The following SNX8 variants were observed in gnomAD, a reference collection of about 807,000 sequenced individuals.
The protein encoded by SNX8 is sorting nexin 8.
A neutral mutation model predicts 51.6 loss-of-function variants in SNX8; 25 were observed. The ratio of observed to expected loss-of-function variants is 0.48; its 90% CI spans 0.35 to 0.68. SNX8 has a LOEUF of 0.68. Among genes scored for constraint, SNX8 ranks in the 30% least tolerant of loss-of-function variants. The pLI, the probability that SNX8 is intolerant of heterozygous loss-of-function variation, is 0.00. For missense variants in SNX8, 695 were observed against 624.0 expected, an observed-to-expected ratio of 1.11 and a Z score of -1.21; for synonymous variants, 324 against 277.0, an observed-to-expected ratio of 1.17 and a Z score of -1.68.
chr7:2,310,710 G>A (rs1005103109), intron 1 of SNX8, among the ~76,000 whole-genome samples: 1 of 152,226 alleles, frequency 6.6e-6, no homozygotes, highest in African/African-American at 2.4e-5. Context: ...GGTGGAGCTT[G>A]CAGTGAGCCA....
chr7:2,338,336 C>T (rs558895596), intron 1 of SNX8, among the ~76,000 whole-genome samples: 8 of 152,028 alleles, frequency 5.3e-5, no homozygotes, highest in Admixed American at 3.9e-4. Flanking sequence ...GTGGCAGGTG[C>T]CTGTAATCCC....
chr7:2,337,693 T>C (rs549881229), intron 1 of SNX8, among the ~76,000 whole-genome samples: 23 of 151,816 alleles, frequency 1.5e-4, no homozygotes, highest in Non-Finnish European at 2.7e-4. Flanking sequence ...ACATGAAAGA[T>C]TGAGAATTAA....
chr7:2,333,870 C>A (rs1185826906), intron 1 of SNX8, among the ~76,000 whole-genome samples: 1 of 152,180 alleles, frequency 6.6e-6, no homozygotes, highest in Non-Finnish European at 1.5e-5. Context: ...GGATTACAGG[C>A]TCATGCCCGT....
intron 1 of SNX8, among the ~76,000 whole-genome samples, chr7:2,297,413 G>A (rs1001590679): frequency 3.3e-5 from 5 of 151,316 alleles, no homozygotes; most frequent in African/African-American, 4.9e-5. Context: ...AGCCAGGCAC[G>A]GTGGCACATG....
At chr7:2,259,044 A>G (rs994922288) in intron 7 of SNX8, among the ~76,000 whole-genome samples, 1 of 152,210 alleles carries the variant, frequency 6.6e-6, no homozygotes, top group Non-Finnish European at 1.5e-5. Flanking sequence ...GGCACAGTGC[A>G]CACGGCCCGA....
At chr7:2,345,614 G>A (rs1779006609) in intron 1 of SNX8, among the ~76,000 whole-genome samples, 1 of 151,552 alleles carries the variant, frequency 6.6e-6, no homozygotes, top group African/African-American at 2.4e-5. Flanking sequence ...GGAGGTGGAG[G>A]ATGCAGTGAG....
At chr7:2,275,428 G>A (rs1328214406) in intron 2 of SNX8, among the ~76,000 whole-genome samples, 199 bp from the exon 3 acceptor site, 1 of 152,224 alleles carries the variant, frequency 6.6e-6, no homozygotes, top group African/African-American at 2.4e-5. Context: ...GGCCGGGTGC[G>A]GTGGCTCCCG....
At chr7:2,309,685 C>G in intron 1 of SNX8, 1 of 416,488 alleles carries the variant, frequency 2.4e-6, no homozygotes, top group Admixed American at 2.9e-5. Flanking sequence ...GAGCCGAGAT[C>G]GCGCCATCGC....
chr7:2,287,091 T>C (rs888830090), intron 1 of SNX8, among the ~76,000 whole-genome samples: 4 of 151,380 alleles, frequency 2.6e-5, no homozygotes, highest in South Asian at 2.1e-4. Flanking sequence ...TGAGCCGAGA[T>C]TGCACCACTG....
chr7:2,254,789 T>G lies in SNX8; in HGVS notation c.*267A>C. On this transcript the variant is annotated 3_prime_UTR_variant, in exon 11 of 11. Coordinates refer to ENST00000222990, the MANE Select transcript of SNX8 (RefSeq NM_013321.4). Reference sequence around the variant, plus strand: ...AGATCCCTGCCTCCCCGCACAGCTCTGGGTGTCAGGAGGAAACCATTCCAG... The same window carrying G: ...AGATCCCTGCCTCCCCGCACAGCTCGGGGTGTCAGGAGGAAACCATTCCAG... 1 of 541,734 alleles carries G rather than the reference T, an allele frequency of 1.8e-6. No homozygotes were observed. The highest frequency in any genetic ancestry group is 3.3e-6 in the Non-Finnish European group (1 of 301,278). 33.6% of individuals were successfully genotyped at this position (541,734 alleles called of 1,614,324 possible). A position where few individuals can be genotyped will look rare whatever the true frequency, so the allele number is the denominator to read the frequency against.
chr7:2,283,096 G>A (rs1584698750), intron 1 of SNX8, among the ~76,000 whole-genome samples: 1 of 151,926 alleles, frequency 6.6e-6, no homozygotes, highest in Non-Finnish European at 1.5e-5. Flanking sequence ...ACTCCAGCCT[G>A]GGCGACAAAA....
intron 1 of SNX8, among the ~76,000 whole-genome samples, chr7:2,326,649 G>C (rs1452342217): frequency 6.6e-6 from 1 of 152,004 alleles, no homozygotes; most frequent in East Asian, 1.9e-4. Context: ...CTGGGCGACA[G>C]AGTCTCACTC....
At chr7:2,336,434 C>T (rs1017259456) in intron 1 of SNX8, among the ~76,000 whole-genome samples, 3 of 151,932 alleles carry the variant, frequency 2.0e-5, no homozygotes, top group African/African-American at 7.2e-5. Flanking sequence ...AAATGCTGGG[C>T]GTGGTGGCTC....
At chr7:2,322,081 T>G (rs1376942287) in intron 1 of SNX8, among the ~76,000 whole-genome samples, 1 of 152,210 alleles carries the variant, frequency 6.6e-6, no homozygotes, top group South Asian at 2.1e-4. Context: ...TATATCACGA[T>G]GGTTAATCTG....
intron 1 of SNX8, among the ~76,000 whole-genome samples, chr7:2,340,717 C>T (rs560452460): frequency 4.8e-4 from 73 of 151,484 alleles, no homozygotes; most frequent in African/African-American, 1.7e-3. Context: ...GTCAGCCAGA[C>T]ACAGTGGCGT....
At chr7:2,345,319 A>T (rs576521057) in intron 1 of SNX8, among the ~76,000 whole-genome samples, 3 of 152,330 alleles carry the variant, frequency 2.0e-5, no homozygotes, top group African/African-American at 7.2e-5. Context: ...AAACTGCAGA[A>T]GGGTCTGTGG....
At chr7:2,322,284 G>C (rs1321163321) in intron 1 of SNX8, among the ~76,000 whole-genome samples, 1 of 152,202 alleles carries the variant, frequency 6.6e-6, no homozygotes, top group Non-Finnish European at 1.5e-5. Context: ...TATAATTGCA[G>C]TGCTTTGGGA....
At chr7:2,262,373 G>C (rs1388956902) in intron 7 of SNX8, among the ~76,000 whole-genome samples, 2 of 152,120 alleles carry the variant, frequency 1.3e-5, no homozygotes, top group Non-Finnish European at 2.9e-5. Flanking sequence ...AAAGCACCCA[G>C]ATGAGCTTTC....
chr7:2,304,845 G>T (rs911923828), intron 1 of SNX8, among the ~76,000 whole-genome samples: 2 of 152,122 alleles, frequency 1.3e-5, no homozygotes, highest in East Asian at 1.9e-4. Context: ...CTAAGTGGCC[G>T]GTTCTTGAAA....
Sources: allele counts gnomAD v4.1 joint callset (sites outside exome capture counted in the v4.1 genomes callset), GRCh38; gene constraint gnomAD v4.1.1; transcripts MANE v1.5; gene names NCBI Gene and HGNC (gene_info 2026-07-23, HGNC 2026-07-21).